SGCG: variants seen among roughly 807,000 people sequenced by gnomAD.
SGCG encodes gamma-sarcoglycan.
In SGCG, 26 loss-of-function variants were observed where a neutral mutation model predicts 29.3. That is an observed-to-expected ratio of 0.89 (90% CI 0.65 to 1.23). The LOEUF (loss-of-function observed/expected upper bound fraction) is 1.23, where lower values mean the gene tolerates loss of function less well. SGCG is among the 50% of genes most tolerant of loss of function. SGCG has a pLI of 0.00. For missense variants in SGCG, 353 were observed against 356.0 expected (o/e 0.99, Z 0.07); for synonymous variants, 145 against 129.7 (o/e 1.12, Z -0.80).
intron 2 of SGCG, among the ~76,000 whole-genome samples, chr13:23,210,296 A>G (rs374075150): frequency 2.6e-5 from 4 of 152,336 alleles, no homozygotes; most frequent in South Asian, 4.1e-4. Context: ...GCTCATCATA[A>G]TTGAGGAAAT....
chr13:23,315,644 C>T (rs1331682437), intron 6 of SGCG, among the ~76,000 whole-genome samples: 1 of 152,250 alleles, frequency 6.6e-6, no homozygotes, highest in Non-Finnish European at 1.5e-5. Flanking sequence ...GAAGGGGAAT[C>T]TTCCCAGTGG....
chr13:23,199,027 G>A (rs1175680251), intron 1 of SGCG, among the ~76,000 whole-genome samples: 1 of 151,612 alleles, frequency 6.6e-6, no homozygotes, highest in African/African-American at 2.4e-5. Context: ...AGAATGACGG[G>A]GACCTGGAAA....
At chr13:23,216,118 T>C (rs1035816988) in intron 2 of SGCG, among the ~76,000 whole-genome samples, 4 of 152,112 alleles carry the variant, frequency 2.6e-5, no homozygotes, top group Non-Finnish European at 4.4e-5. Context: ...CCTAAAACTC[T>C]CTCAAGATGC....
chr13:23,185,112 T>G (rs575448426), intron 1 of SGCG, among the ~76,000 whole-genome samples: 21 of 152,276 alleles, frequency 1.4e-4, no homozygotes, highest in African/African-American at 4.3e-4. Context: ...GCATAAAAAA[T>G]TTTTCTTTAT....
At chr13:23,221,399 G>A (rs1466222742) in intron 2 of SGCG, among the ~76,000 whole-genome samples, 2 of 152,034 alleles carry the variant, frequency 1.3e-5, no homozygotes, top group African/African-American at 2.4e-5. Context: ...TATCATCTTA[G>A]GCCTGTGAAT....
At chr13:23,303,843 T>A (rs1445938812) in intron 6 of SGCG, among the ~76,000 whole-genome samples, 1 of 152,210 alleles carries the variant, frequency 6.6e-6, no homozygotes, top group Non-Finnish European at 1.5e-5. Flanking sequence ...GACTTTCCCC[T>A]CCATTGAGGT....
chr13:23,316,057 C>G (rs1026427746), intron 6 of SGCG, among the ~76,000 whole-genome samples: 1 of 152,202 alleles, frequency 6.6e-6, no homozygotes, highest in African/African-American at 2.4e-5. Context: ...ATTGGCTCAG[C>G]AACATGGACT....
intron 3 of SGCG, among the ~76,000 whole-genome samples, chr13:23,250,374 T>C (rs1371559451): frequency 5.4e-5 from 8 of 149,156 alleles, no homozygotes; most frequent in Non-Finnish European, 8.9e-5. Context: ...AAATAATTCA[T>C]ATTTTTTTCT....
intron 3 of SGCG, 98 bp downstream of exon 3, chr13:23,234,810 C>A: frequency 1.2e-6 from 1 of 821,630 alleles, no homozygotes; most frequent in Non-Finnish European, 2.1e-6. Context: ...TTTTAAAGCG[C>A]ATACATGTGC....
At chr13:23,291,244 C>A (rs549972133) in intron 5 of SGCG, among the ~76,000 whole-genome samples, 3 of 152,212 alleles carry the variant, frequency 2.0e-5, no homozygotes, top group South Asian at 2.1e-4. Flanking sequence ...TATACAGGGT[C>A]ATTTTAATGC....
intron 5 of SGCG, among the ~76,000 whole-genome samples, chr13:23,292,351 C>T (rs865937592): frequency 2.6e-5 from 4 of 152,200 alleles, no homozygotes; most frequent in Non-Finnish European, 5.9e-5. Flanking sequence ...CTCAAGTGAT[C>T]TGCCTGCCTT....
chr13:23,172,692 G>A, the SGCG span, among the ~76,000 whole-genome samples: 1 of 152,206 alleles, frequency 6.6e-6, no homozygotes, highest in Admixed American at 6.5e-5. Flanking sequence ...AATAATTAAT[G>A]AGCATCTAGA....
chr13:23,290,150 G>A (rs1438862386), intron 5 of SGCG, among the ~76,000 whole-genome samples: 1 of 152,126 alleles, frequency 6.6e-6, no homozygotes, highest in East Asian at 1.9e-4. Context: ...AGAGGCCTGA[G>A]GAGGAGGAGA....
At chr13:23,257,746 G>C (rs1880255056) in intron 4 of SGCG, among the ~76,000 whole-genome samples, 1 of 152,172 alleles carries the variant, frequency 6.6e-6, no homozygotes. Flanking sequence ...AAGAGATCCA[G>C]TTTCAGCTTT....
At chr13:23,314,051 A>C (rs568729) in intron 6 of SGCG, among the ~76,000 whole-genome samples, 150,285 of 152,104 alleles carry the variant, frequency 0.99, 74,269 homozygotes, top group Middle Eastern at 1. Context: ...CCTCAGCTTG[A>C]AGACAGCCTA....
chr13:23,215,836 GGAT>G (rs1878405757), intron 2 of SGCG, among the ~76,000 whole-genome samples: 1 of 151,790 alleles, frequency 6.6e-6, no homozygotes, highest in Non-Finnish European at 1.5e-5. Flanking sequence ...CATATTTTGT[GGAT>G]AGTAGCCATC....
Position 23,237,630 on chromosome 13 carries a change from G to C in SGCG, c.297+2918G>C, listed in dbSNP as rs75652780. On this transcript the variant is annotated intron_variant, in intron 3 of 7. Transcript: ENST00000218867. ...CTACAAAGATGCCAGTCCAGAACCT[G>C]AATGTCATGAGGACAGAAGCCCTAA... Among the ~76,000 whole-genome samples the C allele has an allele frequency of 4.8e-3, 736 of 152,324 alleles. 16 individuals carry two copies. Among genetic ancestry groups the C allele is most frequent in the Admixed American group, 0.032 (496 of 15,310 alleles).
upstream of SGCG, among the ~76,000 whole-genome samples, chr13:23,180,448 T>A (rs1294348091): frequency 6.6e-6 from 1 of 152,258 alleles, no homozygotes; most frequent in African/African-American, 2.4e-5. Context: ...TCTCCTCAGA[T>A]GTTAAAAGTT....
At chr13:23,206,377 C>G (rs1222400569) in intron 2 of SGCG, among the ~76,000 whole-genome samples, 1 of 152,138 alleles carries the variant, frequency 6.6e-6, no homozygotes, top group African/African-American at 2.4e-5. Context: ...AATGAGTTTG[C>G]CTACTGTAGA....
Sources: gnomAD v4.1 joint callset for allele counts (sites outside exome capture counted in the v4.1 genomes callset) on GRCh38, gnomAD v4.1.1 for gene constraint, MANE v1.5 for transcripts, NCBI Gene and HGNC (gene_info 2026-07-23, HGNC 2026-07-21) for gene names.